The following FHIT variants were observed in gnomAD, a reference collection of about 807,000 sequenced individuals.
FHIT encodes bis(5'-adenosyl)-triphosphatase.
FHIT carries 19 observed loss-of-function variants against 17.9 expected under a neutral mutation model. That is an observed-to-expected ratio of 1.06 (90% confidence interval 0.74 to 1.56). The LOEUF (loss-of-function observed/expected upper bound fraction) is 1.56. Among genes scored for constraint, FHIT ranks in the 40% most tolerant of loss-of-function variants. FHIT has a pLI of 0.00. For synonymous variants in FHIT, 81 were observed against 69.7 expected (o/e 1.16, Z -0.81); for missense variants, 248 against 189.2 (o/e 1.31, Z -1.82).
At position 60,688,512 on chromosome 3, in the gene FHIT, C is replaced by T. The variant is rs568171511; in HGVS notation, c.-18+133407G>A. Reference sequence around the variant, plus strand: ...AATGGTGCAATCTCAGCTCACTGCACCCTTCACCTCCTGGGTTCAAGTGAT... The same window carrying T: ...AATGGTGCAATCTCAGCTCACTGCATCCTTCACCTCCTGGGTTCAAGTGAT... On this transcript the variant is annotated intron_variant, in intron 4 of 9. Transcript: ENST00000492590. 2.7e-3 allele frequency among the ~76,000 whole-genome samples: 409 copies of T among 151,510 alleles called. 1 individual carries two copies. The highest frequency in any genetic ancestry group is 4.1e-3 in the Non-Finnish European group (277 of 67,864).
chr3:60,522,094 C>A (rs1394069501), intron 5 of FHIT, among the ~76,000 whole-genome samples: 1 of 146,746 alleles, frequency 6.8e-6, no homozygotes, highest in Non-Finnish European at 1.5e-5. Context: ...GAAACAGCAA[C>A]AGCAACCAGA....
chr3:60,244,298 T>G (rs1237840809), intron 5 of FHIT, among the ~76,000 whole-genome samples: 3 of 151,946 alleles, frequency 2.0e-5, no homozygotes, highest in African/African-American at 7.2e-5. Flanking sequence ...CATAAATGTA[T>G]GGGGGGAGGG....
intron 3 of FHIT, among the ~76,000 whole-genome samples, chr3:60,899,447 C>T (rs1170028770): frequency 1.3e-5 from 2 of 152,186 alleles, no homozygotes; most frequent in African/African-American, 4.8e-5. Flanking sequence ...GCTTTATTCT[C>T]TCACTGTTGT....
At chr3:61,155,504 G>A (rs2037510277) in intron 2 of FHIT, among the ~76,000 whole-genome samples, 1 of 151,896 alleles carries the variant, frequency 6.6e-6, no homozygotes, top group African/African-American at 2.4e-5. Flanking sequence ...AATAAAATGA[G>A]AGACCAGTAT....
chr3:60,606,994 C>T (rs1329376826), intron 4 of FHIT, among the ~76,000 whole-genome samples: 1 of 152,162 alleles, frequency 6.6e-6, no homozygotes, highest in Non-Finnish European at 1.5e-5. Flanking sequence ...AATATTACTA[C>T]ATTGAGAGGC....
intron 4 of FHIT, among the ~76,000 whole-genome samples, chr3:60,638,674 C>T (rs1251148597): frequency 6.6e-6 from 1 of 151,946 alleles, no homozygotes. Flanking sequence ...TGGTGTGATG[C>T]TCCCTATGAT....
At chr3:60,275,949 T>C (rs1309851094) in intron 5 of FHIT, among the ~76,000 whole-genome samples, 2 of 151,914 alleles carry the variant, frequency 1.3e-5, no homozygotes, top group Non-Finnish European at 2.9e-5. Context: ...AGCTGACCAA[T>C]AGGATAAGTT....
At chr3:60,236,918 G>A (rs1180519970) in intron 5 of FHIT, among the ~76,000 whole-genome samples, 1 of 152,130 alleles carries the variant, frequency 6.6e-6, no homozygotes, top group Admixed American at 6.5e-5. Context: ...TCATGCATAT[G>A]TAGAATCATA....
intron 5 of FHIT, among the ~76,000 whole-genome samples, chr3:60,231,947 G>C (rs1052546608): frequency 1.6e-4 from 24 of 152,202 alleles, no homozygotes; most frequent in African/African-American, 5.1e-4. Context: ...AGGAGACAGG[G>C]AGCATAAAAT....
At chr3:60,613,552 C>G (rs2038850462) in intron 4 of FHIT, among the ~76,000 whole-genome samples, 1 of 152,160 alleles carries the variant, frequency 6.6e-6, no homozygotes, top group African/African-American at 2.4e-5. Context: ...CTGCTTATAT[C>G]TTTCTTTTCT....
intron 2 of FHIT, among the ~76,000 whole-genome samples, chr3:61,177,899 A>G (rs1291022966): frequency 1.3e-5 from 2 of 152,166 alleles, no homozygotes; most frequent in Non-Finnish European, 2.9e-5. Flanking sequence ...AAAAAATGAT[A>G]CCAGGTTTGC....
Position 60,048,343 on chromosome 3 carries a change from A to AT in FHIT, c.104-34192dup, listed in dbSNP as rs531967447. On this transcript the variant is annotated intron_variant, in intron 5 of 9. Coordinates refer to ENST00000492590, the MANE Select transcript of FHIT (RefSeq NM_002012.4). The stretch of plus-strand genomic sequence containing the variant: ...GGACATGTGCCACCACGCTTCCCTA[A>AT]TTTTTTGTATTTTTAGTAGAGATGG... Among the ~76,000 whole-genome samples the AT allele has an allele frequency of 2.7e-3, 403 of 151,902 alleles. 4 individuals are homozygous for AT. The highest frequency in any genetic ancestry group is 9.4e-3 in the South Asian group (45 of 4,798).
At chr3:60,316,764 T>C (rs1423941010) in intron 5 of FHIT, among the ~76,000 whole-genome samples, 2 of 152,342 alleles carry the variant, frequency 1.3e-5, no homozygotes, top group East Asian at 1.9e-4. Context: ...TTCCAACAAC[T>C]ACTTTTCTGA....
At chr3:60,918,344 G>A (rs536863813) in intron 3 of FHIT, among the ~76,000 whole-genome samples, 1 of 152,298 alleles carries the variant, frequency 6.6e-6, no homozygotes, top group Non-Finnish European at 1.5e-5. Flanking sequence ...ATTCAACTCA[G>A]CAAACATTTA....
intron 7 of FHIT, among the ~76,000 whole-genome samples, chr3:59,967,933 A>G (rs907180033): frequency 6.6e-6 from 1 of 152,130 alleles, no homozygotes; most frequent in Non-Finnish European, 1.5e-5. Context: ...TGAAGGAATT[A>G]AGAAGAATCA....
At chr3:60,062,372 G>C (rs961300828) in intron 5 of FHIT, among the ~76,000 whole-genome samples, 1 of 152,148 alleles carries the variant, frequency 6.6e-6, no homozygotes, top group Non-Finnish European at 1.5e-5. Context: ...GAGAGTAACT[G>C]TCGTAACACT....
At chr3:60,333,535 C>T (rs1288892260) in intron 5 of FHIT, among the ~76,000 whole-genome samples, 2 of 151,458 alleles carry the variant, frequency 1.3e-5, no homozygotes, top group Non-Finnish European at 1.5e-5. Flanking sequence ...TTTGTTGTGA[C>T]CTTTCTACAA....
At chr3:60,308,615 T>C (rs1438828560) in intron 5 of FHIT, among the ~76,000 whole-genome samples, 1 of 151,838 alleles carries the variant, frequency 6.6e-6, no homozygotes, top group African/African-American at 2.4e-5. Context: ...TCTTGATGTG[T>C]TCATTTTATA....
chr3:59,921,621 C>T (rs982823116), intron 8 of FHIT, among the ~76,000 whole-genome samples: 2 of 151,646 alleles, frequency 1.3e-5, no homozygotes, highest in South Asian at 4.2e-4. Context: ...GACATACTTT[C>T]TCCTCTTTGG....
Sources: gnomAD v4.1 joint callset for allele counts (sites outside exome capture counted in the v4.1 genomes callset) on GRCh38, gnomAD v4.1.1 for gene constraint, MANE v1.5 for transcripts, NCBI Gene and HGNC (gene_info 2026-07-23, HGNC 2026-07-21) for gene names.